Variants in IQGAP1 observed in about 807,000 individuals in gnomAD.
IQGAP1 encodes IQ motif containing GTPase activating protein 1.
Under a neutral mutation model 215.6 loss-of-function variants are expected in IQGAP1, and 66 were observed. The observed-to-expected ratio is 0.31, with a 90% confidence interval of 0.25 to 0.38. The LOEUF is 0.38. Among genes scored for constraint, IQGAP1 ranks in the 10% least tolerant of loss-of-function variants. IQGAP1 has a pLI of 1.00. For synonymous variants in IQGAP1, 772 were observed against 728.7 expected, an observed-to-expected ratio of 1.06 and a Z score of -0.96; for missense variants, 1,712 against 1,997.1, an observed-to-expected ratio of 0.86 and a Z score of 2.72.
rs566434207 is a variant in IQGAP1, at chr15:90,405,266, CT to C, written c.155+14398del. Among the ~76,000 whole-genome samples the C allele has an allele frequency of 3.8e-4, 58 of 152,214 alleles. 1 individual carries two copies. In the East Asian group the frequency reaches 0.01, roughly 27 times the overall value. On this transcript the variant is annotated intron_variant, in intron 2 of 37. Transcript: ENST00000268182. Reference sequence around the variant, plus strand: ...GAACAAGGCAGCTTCAACTGTTGAGCTTTTTGAAACATATGGCTTAACTATC... The same window carrying C: ...GAACAAGGCAGCTTCAACTGTTGAGCTTTTGAAACATATGGCTTAACTATC...
intron 18 of IQGAP1, among the ~76,000 whole-genome samples, chr15:90,468,822 C>T (rs891633445): frequency 5.3e-5 from 8 of 152,140 alleles, no homozygotes; most frequent in Admixed American, 3.9e-4. Context: ...CAGAGCAAGA[C>T]CCTGTCTCAA....
chr15:90,466,601 CT>C lies in IQGAP1; in HGVS notation c.2035+167del, dbSNP rs201762855. 7.4e-4 allele frequency among the ~76,000 whole-genome samples: 108 copies of C among 144,994 alleles called. 1 individual carries two copies. Among genetic ancestry groups the C allele is most frequent in the African/African-American group, 1.7e-3 (60 of 35,316 alleles). On this transcript the variant is annotated intron_variant, in intron 17 of 37. Coordinates refer to ENST00000268182, the MANE Select transcript of IQGAP1 (RefSeq NM_003870.4). ...TAAAATCCCTATTTTTGAAAATATC[CT>C]TCCCCCCCCCCTTGTGGACAGCTGT...
chr15:90,446,756 C>T (rs1011986332), intron 9 of IQGAP1, among the ~76,000 whole-genome samples: 6 of 152,090 alleles, frequency 3.9e-5, no homozygotes, highest in African/African-American at 1.4e-4. Flanking sequence ...GAGAAAGCTG[C>T]AGGCCAAGCA....
intron 2 of IQGAP1, among the ~76,000 whole-genome samples, chr15:90,405,766 G>A (rs189179133): frequency 6.0e-4 from 88 of 147,898 alleles, no homozygotes; most frequent in African/African-American, 4.2e-4. Flanking sequence ...TCTGGTTTGC[G>A]AACACTTTTT....
intron 14 of IQGAP1, 39 bp from the exon 15 acceptor site, chr15:90,456,113 T>C (rs1448203775): frequency 1.3e-6 from 2 of 1,573,238 alleles, no homozygotes; most frequent in African/African-American, 2.7e-5. Context: ...TGTACTTCCT[T>C]AATTAGAAAA....
intron 28 of IQGAP1, chr15:90,482,659 C>CTG (rs1966075741): frequency 1.5e-6 from 1 of 654,602 alleles, no homozygotes; most frequent in South Asian, 5.4e-5. Flanking sequence ...CTTCTCTTTT[C>CTG]TTTTTTTTTT....
rs147018296 is a variant in IQGAP1, at chr15:90,429,671, C to G, written c.390+5C>G. The G allele has an allele frequency of 3.2e-6, 5 of 1,580,906 alleles. No individual in the cohort carries two copies. Among genetic ancestry groups the G allele is most frequent in the Non-Finnish European group, 4.3e-6 (5 of 1,157,584 alleles). ...GATGAGATTGGATTGCCTAAGGTAA[C>G]TTACCTGAGATAATAGTTTAGGCTT... On this transcript the variant is annotated splice_donor_5th_base_variant and intron_variant, in intron 4 of 37. Transcript: ENST00000268182.
At chr15:90,474,198 C>G (rs1489450877) in intron 22 of IQGAP1, 65 bp downstream of exon 22, 3 of 1,356,192 alleles carry the variant, frequency 2.2e-6, no homozygotes, top group Non-Finnish European at 3.1e-6. Context: ...TCAGGGTATT[C>G]TCCACAGACC....
At chr15:90,395,312 GT>G (rs11453785) in intron 2 of IQGAP1, among the ~76,000 whole-genome samples, 9 of 151,120 alleles carry the variant, frequency 6.0e-5, no homozygotes, top group African/African-American at 2.2e-4. Context: ...AAGGAGCGGG[GT>G]TTTTTTTGTT....
At chr15:90,462,836 A>T (rs559089414) in intron 15 of IQGAP1, among the ~76,000 whole-genome samples, 1 of 152,032 alleles carries the variant, frequency 6.6e-6, no homozygotes, top group Non-Finnish European at 1.5e-5. Flanking sequence ...TAAGTGTCAG[A>T]GTTGTTAGGG....
chr15:90,430,469 T>C (rs1023159684), intron 4 of IQGAP1, among the ~76,000 whole-genome samples: 4 of 152,190 alleles, frequency 2.6e-5, no homozygotes, highest in South Asian at 4.1e-4. Flanking sequence ...GATAGCAAAG[T>C]ACATGTTTCT....
chr15:90,444,760 T>C (rs889172751), intron 9 of IQGAP1, among the ~76,000 whole-genome samples: 1 of 152,234 alleles, frequency 6.6e-6, no homozygotes, highest in African/African-American at 2.4e-5. Context: ...CTAGTGCAGT[T>C]CTTTATGCAA....
rs1298384100 is a variant in IQGAP1, at chr15:90,440,399, A to G, written c.536-103A>G. ...ATATCCTTATAAAACCCTAAAAGGT[A>G]AATGCCATTTTATCCCATTGCATAG... On this transcript the variant is annotated intron_variant, in intron 6 of 37. Coordinates refer to ENST00000268182, the MANE Select transcript of IQGAP1 (RefSeq NM_003870.4). 6 of 771,120 alleles carry G rather than the reference A, an allele frequency of 7.8e-6. No homozygotes were observed. The South Asian group carries it at 8.0e-5, about 10-fold the overall frequency. 47.8% of individuals were successfully genotyped at this position (771,120 alleles called of 1,614,324 possible).
At chr15:90,490,987 A>G (rs1567144032) in intron 33 of IQGAP1, among the ~76,000 whole-genome samples, 1 of 151,976 alleles carries the variant, frequency 6.6e-6, no homozygotes, top group African/African-American at 2.4e-5. Context: ...TTGTTTTTGT[A>G]CTTTTAGTAG....
At chr15:90,466,552 T>A in intron 17 of IQGAP1, 116 bp downstream of exon 17, 1 of 931,628 alleles carries the variant, frequency 1.1e-6, no homozygotes, top group Non-Finnish European at 1.6e-6. Context: ...AGATGTACAG[T>A]ACTTAGGCTC....
intron 5 of IQGAP1, among the ~76,000 whole-genome samples, chr15:90,436,077 T>G (rs897830599): frequency 6.6e-6 from 1 of 151,464 alleles, no homozygotes. Flanking sequence ...TTTTTTTTTT[T>G]TCCTCTAAAG....
chr15:90,487,226 C>A, intron 32 of IQGAP1, 137 bp downstream of exon 32: 1 of 815,268 alleles, frequency 1.2e-6, no homozygotes. Context: ...CACCAATCAC[C>A]TCGCATATTG....
rs895580145 is a variant in IQGAP1 at position 90,491,190 on chromosome 15, T to A, written c.4249-143T>A. ...CTTCATGCAATTTTTCATCTATCAT[T>A]TGGCAGGGGGCAGAATTTGTTTCCT... On this transcript the variant is annotated intron_variant, in intron 33 of 37. Transcript: ENST00000268182. 1.5e-5 allele frequency: 10 copies of A among 654,902 alleles called. No homozygotes were observed. In the East Asian group the frequency reaches 2.7e-4, roughly 18 times the overall value. 40.6% of individuals were successfully genotyped at this position (654,902 alleles called of 1,614,324 possible). A position where few individuals can be genotyped will look rare whatever the true frequency, so the allele number is the denominator to read the frequency against.
intron 2 of IQGAP1, among the ~76,000 whole-genome samples, chr15:90,424,689 A>G (rs1965195506): frequency 6.6e-6 from 1 of 152,016 alleles, no homozygotes; most frequent in Non-Finnish European, 1.5e-5. Flanking sequence ...ATACCAAAAA[A>G]TTAGCCAGGT....
Sources: allele counts gnomAD v4.1 joint callset (sites outside exome capture counted in the v4.1 genomes callset), GRCh38; gene constraint gnomAD v4.1.1; transcripts MANE v1.5; gene names NCBI Gene and HGNC (gene_info 2026-07-23, HGNC 2026-07-21).